The following CYP4X1 variants were observed in gnomAD, a reference collection of about 807,000 sequenced individuals.
The protein encoded by CYP4X1 is cytochrome P450 family 4 subfamily X member 1.
Under a neutral mutation model 57.9 loss-of-function variants are expected in CYP4X1, and 44 were observed. The ratio of observed to expected loss-of-function variants is 0.76; its 90% CI spans 0.60 to 0.98. The LOEUF (loss-of-function observed/expected upper bound fraction) is 0.98, where lower values mean the gene tolerates loss of function less well. Ranked by LOEUF, CYP4X1 falls within the 50% of genes least tolerant of loss-of-function variation. CYP4X1 has a pLI of 0.00. For missense variants in CYP4X1, 532 were observed against 623.9 expected, an observed-to-expected ratio of 0.85 and a Z score of 1.57; for synonymous variants, 227 against 228.6, an observed-to-expected ratio of 0.99 and a Z score of 0.06.
At chr1:47,005,954 C>G in the CYP4X1 span, among the ~76,000 whole-genome samples, 1 of 152,158 alleles carries the variant, frequency 6.6e-6, no homozygotes, top group Non-Finnish European at 1.5e-5. Flanking sequence ...ATGTATTTAA[C>G]TTTGAGACAT....
intron 6 of CYP4X1, among the ~76,000 whole-genome samples, chr1:47,037,644 C>T (rs1344346053): frequency 3.9e-5 from 6 of 152,028 alleles, no homozygotes; most frequent in South Asian, 2.1e-4. Flanking sequence ...TCTACCCACT[C>T]GATGTAGTAG....
chr1:47,014,545 A>G, the CYP4X1 span, among the ~76,000 whole-genome samples: 1 of 152,166 alleles, frequency 6.6e-6, no homozygotes, highest in African/African-American at 2.4e-5. Context: ...AACCCACTTT[A>G]TTTTGATTTC....
chr1:47,021,396 A>G (rs1643994920), upstream of CYP4X1, among the ~76,000 whole-genome samples: 1 of 152,204 alleles, frequency 6.6e-6, no homozygotes, highest in South Asian at 2.1e-4. Context: ...GGTTGTGGGG[A>G]AAACCCACCT....
the CYP4X1 span, among the ~76,000 whole-genome samples, chr1:46,987,090 T>G: frequency 7.2e-5 from 11 of 152,114 alleles, no homozygotes; most frequent in Non-Finnish European, 1.0e-4. Flanking sequence ...GCAAATTGGA[T>G]AAAGAGTCAA....
At chr1:47,008,163 C>A in the CYP4X1 span, among the ~76,000 whole-genome samples, 8 of 152,292 alleles carry the variant, frequency 5.3e-5, no homozygotes, top group African/African-American at 1.7e-4. Context: ...AGGTTAAGGG[C>A]AGCCAGAGAG....
chr1:47,052,782 TAAACAAAC>T (rs138072980), downstream of CYP4X1, among the ~76,000 whole-genome samples: 2 of 151,506 alleles, frequency 1.3e-5, no homozygotes, highest in African/African-American at 4.9e-5. Context: ...CCTAAATAAA[TAAACAAAC>T]AAATAAATAA....
chr1:46,963,229 A>G, the CYP4X1 span, among the ~76,000 whole-genome samples: 1 of 152,156 alleles, frequency 6.6e-6, no homozygotes, highest in Non-Finnish European at 1.5e-5. Flanking sequence ...TGTGTCTTTT[A>G]GTTGGAGCAT....
At chr1:46,983,776 A>G in the CYP4X1 span, among the ~76,000 whole-genome samples, 1 of 152,100 alleles carries the variant, frequency 6.6e-6, no homozygotes, top group Non-Finnish European at 1.5e-5. Flanking sequence ...GGGCATGTCC[A>G]TTACCTCTGG....
At chr1:47,009,876 C>T in the CYP4X1 span, among the ~76,000 whole-genome samples, 1 of 152,166 alleles carries the variant, frequency 6.6e-6, no homozygotes, top group Non-Finnish European at 1.5e-5. Flanking sequence ...AGGTGAATGT[C>T]TGAATAGACC....
At chr1:47,038,966 A>G (rs764994612) in intron 7 of CYP4X1, among the ~76,000 whole-genome samples, 200 bp downstream of exon 7, 5 of 152,200 alleles carry the variant, frequency 3.3e-5, no homozygotes, top group Non-Finnish European at 5.9e-5. Flanking sequence ...GTTAGTAAAG[A>G]CTAAACGAAC....
chr1:47,050,198 G>T lies in CYP4X1; in HGVS notation c.*24G>T. On this transcript the variant is annotated 3_prime_UTR_variant, in exon 12 of 12. Coordinates refer to ENST00000371901, the MANE Select transcript of CYP4X1 (RefSeq NM_178033.2). Reference sequence around the variant, plus strand: ...AGATCTCAGGGTACAATGATTAAACGTACTTTGTTTTTCGAAGTTAAATTT... The same window carrying T: ...AGATCTCAGGGTACAATGATTAAACTTACTTTGTTTTTCGAAGTTAAATTT... 1.2e-6 allele frequency: 2 copies of T among 1,611,592 alleles called. No homozygotes were observed. The highest frequency in any genetic ancestry group is 1.7e-4 in the Middle Eastern group (1 of 6,052).
chr1:46,981,322 G>C, the CYP4X1 span, among the ~76,000 whole-genome samples: 1 of 152,044 alleles, frequency 6.6e-6, no homozygotes, highest in Non-Finnish European at 1.5e-5. Context: ...GTGGGCAAAG[G>C]ATATGAACAG....
upstream of CYP4X1, among the ~76,000 whole-genome samples, chr1:47,022,383 C>T (rs1245166362): frequency 1.4e-5 from 2 of 146,376 alleles, no homozygotes; most frequent in African/African-American, 5.1e-5. Flanking sequence ...CTTTGCCTCT[C>T]GGGTTCAAGC....
chr1:46,999,858 G>A, the CYP4X1 span, among the ~76,000 whole-genome samples: 1 of 151,424 alleles, frequency 6.6e-6, no homozygotes, highest in African/African-American at 2.4e-5. Flanking sequence ...CTATCTCTTT[G>A]GTGACAAGGG....
rs765055118 is a variant in CYP4X1 at position 47,023,922 on chromosome 1, G to C, written c.105G>C (p.Arg35=). 12 of 1,613,648 alleles carry C rather than the reference G, an allele frequency of 7.4e-6. No homozygotes were observed. The highest frequency in any genetic ancestry group is 1.0e-5 in the Non-Finnish European group (12 of 1,179,994). Residue 35 remains arginine (R), a synonymous_variant, in exon 1 of 12, where the codon CGG becomes CGC. Coordinates refer to ENST00000371901, the MANE Select transcript of CYP4X1 (RefSeq NM_178033.2). ...GLLQAIKLYL[R]RQRLLRDLRP... ...TGCAGGCCATTAAGCTGTACCTGCG[G>C]AGGCAGCGGCTGCTGCGGGACCTGC...
chr1:47,051,308 G>C (rs1485062964), downstream of CYP4X1, among the ~76,000 whole-genome samples: 1 of 151,964 alleles, frequency 6.6e-6, no homozygotes, highest in Non-Finnish European at 1.5e-5. Context: ...GAACCCGGGA[G>C]GGGGAGGTTG....
At chr1:47,032,102 T>A (rs1053058399) in intron 3 of CYP4X1, among the ~76,000 whole-genome samples, 4 of 152,126 alleles carry the variant, frequency 2.6e-5, no homozygotes, top group African/African-American at 9.7e-5. Flanking sequence ...CCTATTCTTG[T>A]TTTCTTTATC....
chr1:47,035,761 G>C (rs779988069), intron 4 of CYP4X1, 45 bp from the exon 5 acceptor site: 1 of 1,582,762 alleles, frequency 6.3e-7, no homozygotes, highest in African/African-American at 1.4e-5. Flanking sequence ...AAGGCAATTT[G>C]GTCATGGTGG....
the CYP4X1 span, among the ~76,000 whole-genome samples, chr1:46,999,559 G>A: frequency 3.3e-5 from 5 of 151,832 alleles, no homozygotes; most frequent in South Asian, 4.2e-4. Flanking sequence ...TTTTGGTCTC[G>A]ATTTTATTTA....
Sources: allele counts gnomAD v4.1 joint callset (sites outside exome capture counted in the v4.1 genomes callset), GRCh38; gene constraint gnomAD v4.1.1; transcripts MANE v1.5; gene names NCBI Gene and HGNC (gene_info 2026-07-23, HGNC 2026-07-21).